SLC24A2: variants seen among roughly 807,000 people sequenced by gnomAD.
SLC24A2 encodes the protein solute carrier family 24 member 2.
In SLC24A2, 36 loss-of-function variants were observed where a neutral mutation model predicts 62.0. The ratio of observed to expected loss-of-function variants is 0.58; its 90% CI spans 0.44 to 0.77. The LOEUF is 0.77. Among genes scored for constraint, SLC24A2 ranks in the 30% least tolerant of loss-of-function variants. The pLI, the probability that SLC24A2 is intolerant of heterozygous loss-of-function variation, is 0.00. For synonymous variants in SLC24A2, 358 were observed against 294.0 expected (o/e 1.22, Z -2.23); for missense variants, 846 against 817.9 (o/e 1.03, Z -0.42).
chr9:19,578,520 A>G (rs1330991310), intron 5 of SLC24A2, among the ~76,000 whole-genome samples: 1 of 148,298 alleles, frequency 6.7e-6, no homozygotes, highest in African/African-American at 2.5e-5. Flanking sequence ...GAGTATCTCA[A>G]AACACCACAA....
the SLC24A2 span, among the ~76,000 whole-genome samples, chr9:20,036,351 C>T: frequency 2.6e-5 from 4 of 152,098 alleles, no homozygotes; most frequent in Admixed American, 1.3e-4. Flanking sequence ...GAGATTTATT[C>T]TCTTAGCAAT....
At chr9:19,968,469 G>A in the SLC24A2 span, among the ~76,000 whole-genome samples, 1 of 152,294 alleles carries the variant, frequency 6.6e-6, no homozygotes, top group African/African-American at 2.4e-5. Flanking sequence ...ATTGGAATTT[G>A]GAGAAGTTAA....
At chr9:19,686,675 G>T (rs189984858) in intron 2 of SLC24A2, among the ~76,000 whole-genome samples, 1 of 152,204 alleles carries the variant, frequency 6.6e-6, no homozygotes, top group East Asian at 1.9e-4. Flanking sequence ...GTCATGTGAA[G>T]AAGGACATGT....
chr9:19,725,903 A>G (rs1231613568), intron 2 of SLC24A2, among the ~76,000 whole-genome samples: 1 of 152,192 alleles, frequency 6.6e-6, no homozygotes, highest in Non-Finnish European at 1.5e-5. Flanking sequence ...GTTATGTCAG[A>G]CTTGAAAGAA....
At chr9:20,003,502 T>C in the SLC24A2 span, among the ~76,000 whole-genome samples, 2 of 152,180 alleles carry the variant, frequency 1.3e-5, no homozygotes, top group East Asian at 3.9e-4. Context: ...ATCCTTTTTT[T>C]TTAAAGTATG....
At chr9:20,043,843 T>C in the SLC24A2 span, among the ~76,000 whole-genome samples, 2 of 152,322 alleles carry the variant, frequency 1.3e-5, no homozygotes, top group Admixed American at 6.5e-5. Flanking sequence ...GATAAAGCAG[T>C]GGCAGGGTTT....
At chr9:19,567,144 A>G (rs1835687175) in intron 7 of SLC24A2, among the ~76,000 whole-genome samples, 1 of 150,100 alleles carries the variant, frequency 6.7e-6, no homozygotes, top group African/African-American at 2.5e-5. Context: ...TTAAAGTATA[A>G]TAAAAAAAAT....
chr9:19,863,764 A>C, the SLC24A2 span, among the ~76,000 whole-genome samples: 1 of 151,954 alleles, frequency 6.6e-6, no homozygotes, highest in Non-Finnish European at 1.5e-5. Context: ...AAAACTTCAA[A>C]TAAACAACCT....
chr9:19,788,190 C>T (rs1823235672), intron 1 of SLC24A2, among the ~76,000 whole-genome samples: 1 of 152,252 alleles, frequency 6.6e-6, no homozygotes, highest in Non-Finnish European at 1.5e-5. Context: ...ATCAACCCCG[C>T]TGAGTTGCTG....
At chr9:19,788,216 C>G (rs1050107981) in intron 1 of SLC24A2, among the ~76,000 whole-genome samples, 1 of 152,222 alleles carries the variant, frequency 6.6e-6, no homozygotes, top group South Asian at 2.1e-4. Context: ...CCTGAGATAA[C>G]CCGACCCCAT....
At chr9:19,709,011 C>A (rs1006414690) in intron 2 of SLC24A2, among the ~76,000 whole-genome samples, 20 of 152,010 alleles carry the variant, frequency 1.3e-4, no homozygotes, top group African/African-American at 4.8e-4. Context: ...ACTCATCTGA[C>A]AAAGGGCTAA....
chr9:20,075,905 C>T, the SLC24A2 span, among the ~76,000 whole-genome samples: 1 of 152,140 alleles, frequency 6.6e-6, no homozygotes, highest in East Asian at 1.9e-4. Flanking sequence ...TACTCAAGTC[C>T]CTGATATAAA....
chr9:20,168,737 C>T, the SLC24A2 span, among the ~76,000 whole-genome samples: 1 of 151,938 alleles, frequency 6.6e-6, no homozygotes, highest in Non-Finnish European at 1.5e-5. Flanking sequence ...GGAATTGAAG[C>T]CCTCGTGTAT....
At chr9:20,033,530 C>T in the SLC24A2 span, among the ~76,000 whole-genome samples, 2 of 152,166 alleles carry the variant, frequency 1.3e-5, no homozygotes, top group African/African-American at 4.8e-5. Flanking sequence ...TAATTTGTGA[C>T]AATGGACAGG....
intron 5 of SLC24A2, among the ~76,000 whole-genome samples, chr9:19,593,137 G>A (rs989402823): frequency 1.3e-5 from 2 of 152,226 alleles, no homozygotes; most frequent in East Asian, 3.9e-4. Context: ...AGTGCTGTGA[G>A]CTTTATGAAT....
the SLC24A2 span, among the ~76,000 whole-genome samples, chr9:20,234,379 T>G: frequency 6.6e-6 from 1 of 152,244 alleles, no homozygotes; most frequent in Admixed American, 6.5e-5. Flanking sequence ...AGACGTAGAT[T>G]TGGTCTTTTC....
the SLC24A2 span, among the ~76,000 whole-genome samples, chr9:20,003,240 T>G: frequency 6.6e-6 from 1 of 152,186 alleles, no homozygotes; most frequent in Non-Finnish European, 1.5e-5. Context: ...ACTATGCCCA[T>G]GACCACAGGC....
At chr9:19,942,399 A>T in the SLC24A2 span, among the ~76,000 whole-genome samples, 1 of 152,206 alleles carries the variant, frequency 6.6e-6, no homozygotes, top group Non-Finnish European at 1.5e-5. Context: ...GTCCAAGGTC[A>T]CATGGAGAAT....
At chr9:19,669,359 A>C (rs916433195) in intron 2 of SLC24A2, among the ~76,000 whole-genome samples, 2 of 152,188 alleles carry the variant, frequency 1.3e-5, no homozygotes, top group Non-Finnish European at 2.9e-5. Context: ...AGAACCCAGC[A>C]ATACTAACGG....
Sources: gnomAD v4.1 joint callset for allele counts (sites outside exome capture counted in the v4.1 genomes callset) on GRCh38, gnomAD v4.1.1 for gene constraint, MANE v1.5 for transcripts, NCBI Gene and HGNC (gene_info 2026-07-23, HGNC 2026-07-21) for gene names.